KMT2D: variants seen among roughly 807,000 people sequenced by gnomAD.
KMT2D encodes histone-lysine N-methyltransferase 2D.
In KMT2D, 55 loss-of-function variants were observed where a neutral mutation model predicts 512.7. The ratio of observed to expected loss-of-function variants is 0.11; its 90% CI spans 0.09 to 0.13. The LOEUF (loss-of-function observed/expected upper bound fraction) is 0.13, where lower values mean the gene tolerates loss of function less well. Ranked by LOEUF, KMT2D falls within the 10% of genes least tolerant of loss-of-function variation. The pLI, the probability that KMT2D is intolerant of heterozygous loss-of-function variation, is 1.00. For synonymous variants in KMT2D, 2,995 were observed against 2,904.0 expected (o/e 1.03, Z -1.01); for missense variants, 6,061 against 7,127.9 (o/e 0.85, Z 5.39).
chr12:49,037,823 T>C lies in KMT2D; in HGVS notation c.9533A>G (p.His3178Arg), dbSNP rs2120486155. Residue 3178 changes from histidine (H) to arginine (R), a missense_variant, in exon 35 of 55, where the codon CAC becomes CGC. This residue lies in a region of KMT2D where 533 missense variants were observed against 539.6 expected (regional missense o/e 0.99). Coordinates refer to ENST00000301067, the MANE Select transcript of KMT2D (RefSeq NM_003482.4). ...CCCAAAGGAGGCCTTCTCAGCTGTGTGCCCACTGCTAGAAAATGGCCCTGT... is the reference window on the plus strand; with the variant it reads ...CCCAAAGGAGGCCTTCTCAGCTGTGCGCCCACTGCTAGAAAATGGCCCTGT... ...MGTGPFSSSG[H>R]TAEKASFGAT... 6.3e-7 allele frequency: 1 copy of C among 1,597,384 alleles called. No individual in the cohort carries two copies. The highest frequency in any genetic ancestry group is 8.5e-7 in the Non-Finnish European group (1 of 1,171,816).
Position 49,028,156 on chromosome 12 carries a change from G to A in KMT2D, c.14383-15C>T. On this transcript the variant is annotated splice_polypyrimidine_tract_variant and intron_variant, in intron 46 of 54. Transcript: ENST00000301067. ...CCATTCAGGTTCTGCCAGGGCCAGG[G>A]AAGGGATGGAAGAAACATATCAGCC... 3 of 1,613,780 alleles carry A rather than the reference G, an allele frequency of 1.9e-6. No homozygotes were observed. Among genetic ancestry groups the A allele is most frequent in the Non-Finnish European group, 2.5e-6 (3 of 1,179,822 alleles).
At position 49,037,276 on chromosome 12, in the gene KMT2D, C is replaced by G. The variant is rs1486678267; in HGVS notation, c.10080G>C (p.Gln3360His). The stretch of plus-strand genomic sequence containing the variant: ...GTACCAAGCCTGCCTGCCCTCCATG[C>G]TGCCCACTTAGCATATGCCCTTGAT... ...VSNQGHMLSGQHGGQAGLVPQ... is the reference protein window; with the variant it reads ...VSNQGHMLSGHHGGQAGLVPQ... The change falls in exon 35 of 55, where the codon CAG becomes CAC. Residue 3360 changes from glutamine (Q) to histidine (H), a missense_variant. Around this residue, in one of 16 missense-constraint regions of KMT2D, gnomAD observed 533 missense variants for 539.6 expected, o/e 0.99. Transcript: ENST00000301067. The G allele has an allele frequency of 1.9e-6, 3 of 1,613,562 alleles. No individual in the cohort carries two copies. Among genetic ancestry groups the G allele is most frequent in the Non-Finnish European group, 2.5e-6 (3 of 1,179,840 alleles).
At chr12:49,036,997 G>C in intron 35 of KMT2D, 128 bp downstream of exon 35, 1 of 1,236,872 alleles carries the variant, frequency 8.1e-7, no homozygotes, top group Non-Finnish European at 1.1e-6. Flanking sequence ...CCACTAGTAT[G>C]ATATTTAGCC....
chr12:49,033,617 T>A lies in KMT2D; in HGVS notation c.11088A>T (p.Ser3696=). 2 of 1,613,616 alleles carry A rather than the reference T, an allele frequency of 1.2e-6. No homozygotes were observed. Among genetic ancestry groups the A allele is most frequent in the Non-Finnish European group, 1.7e-6 (2 of 1,179,856 alleles). Residue 3696 remains serine (S), a synonymous_variant, in exon 40 of 55, where the codon TCA becomes TCT. Transcript: ENST00000301067. ...SGGAGSLAGP[S]GGFFPGNLAL... ...CAAGGTTGCCAGGGAAGAAGCCCCC[T>A]GAAGGGCCAGCCAGGGATCCAGCCC...
chr12:49,036,175 T>TA (rs1943205635), intron 35 of KMT2D, among the ~76,000 whole-genome samples: 1 of 152,196 alleles, frequency 6.6e-6, no homozygotes, highest in Non-Finnish European at 1.5e-5. Flanking sequence ...GCCCCCATCT[T>TA]ATCTCACCAA....
In KMT2D at chr12:49,034,425, C is replaced by T. The variant is rs758185883; in HGVS notation, c.10492G>A (p.Ala3498Thr). Residue 3498 changes from alanine (A) to threonine (T), a missense_variant, in exon 38 of 55, where the codon GCT becomes ACT. Around this residue, in one of 16 missense-constraint regions of KMT2D, gnomAD observed 533 missense variants for 539.6 expected, o/e 0.99. Coordinates refer to ENST00000301067, the MANE Select transcript of KMT2D (RefSeq NM_003482.4). ...SQPRPNPPTF[A>T]QGVINEADQR... ...CCATACTCACTGATCACTCCCTGAG[C>T]AAAAGTGGGCGGGTTGGGACGAGGC... 5.0e-6 allele frequency: 8 copies of T among 1,613,728 alleles called. No individual in the cohort carries two copies. Among genetic ancestry groups the T allele is most frequent in the Non-Finnish European group, 1.7e-6 (2 of 1,179,846 alleles).
rs753655111 is a variant in KMT2D at position 49,030,931 on chromosome 12, C to T, written c.13633G>A (p.Val4545Ile). The T allele has an allele frequency of 1.1e-5, 18 of 1,613,862 alleles. No individual in the cohort carries two copies. Among genetic ancestry groups the T allele is most frequent in the Non-Finnish European group, 1.5e-5 (18 of 1,179,880 alleles). Residue 4545 changes from valine (V) to isoleucine (I), a missense_variant, in exon 41 of 55, where the codon GTC (valine) becomes ATC (isoleucine). By Grantham distance (29) the Val-to-Ile change is conservative. Coordinates refer to ENST00000301067, the MANE Select transcript of KMT2D (RefSeq NM_003482.4). Reference sequence around the variant, plus strand: ...TTCAGCAAGGCCTCGCTGGCCCTGACCCCGTCCTCCTTCCGCAGCTTCTTT... The same window carrying T: ...TTCAGCAAGGCCTCGCTGGCCCTGATCCCGTCCTCCTTCCGCAGCTTCTTT... ...SRKKLRKEDG[V>I]RASEALLKQL...
rs934801255 is a variant in KMT2D at position 49,054,230 on chromosome 12, CCTT to C, written c.510+74_510+76del. 2.6e-6 allele frequency: 4 copies of C among 1,533,622 alleles called. No individual in the cohort carries two copies. The highest frequency in any genetic ancestry group is 3.5e-6 in the Non-Finnish European group (4 of 1,131,818). On this transcript the variant is annotated intron_variant, in intron 5 of 54. Transcript: ENST00000301067. This position sits in a 1 kb window ranked among gnomAD's most constrained non-coding sequence, Gnocchi z 6.4. ...AGCTCTGCCCCAGTATACCCATGGT[CCTT>C]CTCATTCCAACCTGACTCTCAGAAG...
At chr12:49,023,918 C>T in intron 51 of KMT2D, 1 of 361,042 alleles carries the variant, frequency 2.8e-6, no homozygotes, top group Non-Finnish European at 5.4e-6. Flanking sequence ...CCCTGGTACA[C>T]AGAAAGAACA....
At position 49,044,340 on chromosome 12, in the gene KMT2D, G is replaced by A. The variant is rs2120581752; in HGVS notation, c.5084-36C>T. On this transcript the variant is annotated intron_variant, in intron 21 of 54. Transcript: ENST00000301067. This position sits in a 1 kb window ranked among gnomAD's most constrained non-coding sequence, Gnocchi z 6.4. ...GCAGAGTTGTGGATGAGAAGCCGCT[G>A]GGGGACCTATTGAGCTGCCCCGCAC... 2 of 1,613,698 alleles carry A rather than the reference G, an allele frequency of 1.2e-6. No homozygotes were observed. Among genetic ancestry groups the A allele is most frequent in the Non-Finnish European group, 1.7e-6 (2 of 1,179,732 alleles).
intron 14 of KMT2D, 79 bp downstream of exon 14, chr12:49,048,580 G>T: frequency 1.1e-6 from 1 of 896,254 alleles, no homozygotes; most frequent in Non-Finnish European, 1.8e-6. Flanking sequence ...CCCCAAAGTA[G>T]GTCCAGTTTT....
rs759396009 is a variant in KMT2D at position 49,034,955 on chromosome 12, G to A, written c.10232-20C>T. 6.2e-7 allele frequency: 1 copy of A among 1,613,694 alleles called. No homozygotes were observed. The highest frequency in any genetic ancestry group is 1.1e-5 in the South Asian group (1 of 91,040). On this transcript the variant is annotated intron_variant, in intron 35 of 54. Transcript: ENST00000301067. Reference sequence around the variant, plus strand: ...CCAGGTCTGGAGAGGGGAGAACCAAGTGAGCTGGGCTATGGGGCCAATGCT... The same window carrying A: ...CCAGGTCTGGAGAGGGGAGAACCAAATGAGCTGGGCTATGGGGCCAATGCT...
rs750254886 is a variant in KMT2D, at chr12:49,029,487, G to A, written c.14000-11C>T. ...TCACCTCTGAAGTATCTGAGGGGTG[G>A]GTAGGGAGAAGAAAAGTCAGGTGAG... On this transcript the variant is annotated splice_polypyrimidine_tract_variant and intron_variant, in intron 43 of 54. Transcript: ENST00000301067. 1 of 1,551,972 alleles carries A rather than the reference G, an allele frequency of 6.4e-7. No homozygotes were observed. Among genetic ancestry groups the A allele is most frequent in the East Asian group, 2.4e-5 (1 of 41,070 alleles).
chr12:49,044,342 G>A lies in KMT2D; in HGVS notation c.5084-38C>T, dbSNP rs1304177426. The stretch of plus-strand genomic sequence containing the variant: ...AGAGTTGTGGATGAGAAGCCGCTGG[G>A]GGACCTATTGAGCTGCCCCGCACCA... On this transcript the variant is annotated intron_variant, in intron 21 of 54. Transcript: ENST00000301067. This position sits in a 1 kb window ranked among gnomAD's most constrained non-coding sequence, Gnocchi z 6.4. 1.2e-6 allele frequency: 2 copies of A among 1,613,694 alleles called. No individual in the cohort carries two copies. Among genetic ancestry groups the A allele is most frequent in the East Asian group, 2.2e-5 (1 of 44,872 alleles).
At chr12:49,058,518 A>G (rs1164329910) in intron 1 of KMT2D, among the ~76,000 whole-genome samples, 1 of 152,198 alleles carries the variant, frequency 6.6e-6, no homozygotes, top group Non-Finnish European at 1.5e-5. Flanking sequence ...TGAGAGGGGC[A>G]GTCCCAGCCC....
rs1414427607 is a variant in KMT2D, at chr12:49,054,033, G to T, written c.618C>A (p.Ser206=). ...GGCATAGCAGCTGCAGTGTTTTCAT[G>T]GATAGGAAGGAACCGCTGGCAGTCG... ...PCATASGSFL[S]MKTLQLLCPE... Residue 206 remains serine, a synonymous_variant, in exon 6 of 55, where the codon TCC becomes TCA. Transcript: ENST00000301067. This position sits in a 1 kb window ranked among gnomAD's most constrained non-coding sequence, Gnocchi z 6.4. 2 of 1,613,938 alleles carry T rather than the reference G, an allele frequency of 1.2e-6. No individual in the cohort carries two copies. Among genetic ancestry groups the T allele is most frequent in the Non-Finnish European group, 8.5e-7 (1 of 1,179,884 alleles).
Position 49,046,082 on chromosome 12 carries a change from T to C in KMT2D, c.4676A>G (p.Tyr1559Cys), listed in dbSNP as rs1943770914. The C allele has an allele frequency of 6.2e-7, 1 of 1,611,738 alleles. No individual in the cohort carries two copies. Among genetic ancestry groups the C allele is most frequent in the African/African-American group, 1.3e-5 (1 of 74,998 alleles). The change falls in exon 18 of 55, where the codon TAC becomes TGC. Residue 1559 changes from tyrosine to cysteine, a missense_variant. Physicochemically the swap from Tyr to Cys is radical, Grantham distance 194 (BLOSUM62 -2). Transcript: ENST00000301067. This position sits in a 1 kb window ranked among gnomAD's most constrained non-coding sequence, Gnocchi z 4.2. ...EGFDCVSCQP[Y>C]VVKPVAPVAP... ...GTACTCACCCACAGGCTTTACCACG[T>C]AGGGCTGGCAGGAGACACAGTCAAA...
rs2120521656 is a variant in KMT2D at position 49,040,064 on chromosome 12, C to G, written c.7706G>C (p.Gly2569Ala). Residue 2569 changes from glycine to alanine, a missense_variant, in exon 32 of 55, where the codon GGC (glycine) becomes GCC (alanine). Coordinates refer to ENST00000301067, the MANE Select transcript of KMT2D (RefSeq NM_003482.4). Reference protein sequence around the residue: ...PHGINSHFGPGPTLGKPQSTN... With the variant: ...PHGINSHFGPAPTLGKPQSTN... The stretch of plus-strand genomic sequence containing the variant: ...GCTTTGAGGCTTGCCCAAGGTGGGG[C>G]CGGGCCCAAAATGGCTGTTGATCCC... 6.2e-7 allele frequency: 1 copy of G among 1,613,906 alleles called. No homozygotes were observed. Among genetic ancestry groups the G allele is most frequent in the Non-Finnish European group, 8.5e-7 (1 of 1,179,832 alleles).
rs1176899385 is a variant in KMT2D, at chr12:49,037,677, C to T, written c.9679G>A (p.Ala3227Thr). The change falls in exon 35 of 55, where the codon GCA becomes ACA. Residue 3227 changes from alanine (A) to threonine (T), a missense_variant. Coordinates refer to ENST00000301067, the MANE Select transcript of KMT2D (RefSeq NM_003482.4). ...SGALTLPGGP[A>T]ASGDELDKME... Reference sequence around the variant, plus strand: ...TTGTCTAGCTCATCCCCAGATGCTGCAGGTCCACCAGGCAAGGTCAAAGCC... The same window carrying T: ...TTGTCTAGCTCATCCCCAGATGCTGTAGGTCCACCAGGCAAGGTCAAAGCC... 1.3e-6 allele frequency: 2 copies of T among 1,583,582 alleles called. No homozygotes were observed. Among genetic ancestry groups the T allele is most frequent in the Non-Finnish European group, 1.7e-6 (2 of 1,164,770 alleles).
Sources: allele counts gnomAD v4.1 joint callset (sites outside exome capture counted in the v4.1 genomes callset), GRCh38; gene constraint gnomAD v4.1.1; regional missense constraint gnomAD v4.1.1; non-coding constraint Gnocchi (gnomAD v3.1); transcripts MANE v1.5; gene names NCBI Gene and HGNC (gene_info 2026-07-23, HGNC 2026-07-21).